DLG2: variants seen among roughly 807,000 people sequenced by gnomAD.
The protein encoded by DLG2 is discs large MAGUK scaffold protein 2.
In DLG2, 45 loss-of-function variants were observed where a neutral mutation model predicts 132.5. The observed-to-expected ratio is 0.34, with a 90% confidence interval of 0.27 to 0.44. The LOEUF (loss-of-function observed/expected upper bound fraction) is 0.44, where lower values mean the gene tolerates loss of function less well. Among genes scored for constraint, DLG2 ranks in the 20% least tolerant of loss-of-function variants. The pLI is 1.00. For synonymous variants in DLG2, 424 were observed against 419.6 expected (o/e 1.01, Z -0.13); for missense variants, 1,045 against 1,196.9 (o/e 0.87, Z 1.87).
Position 84,860,649 on chromosome 11 carries a change from A to G in DLG2, c.357+251012T>C, listed in dbSNP as rs542469271. Among the ~76,000 whole-genome samples, 260 of 152,224 alleles carry G rather than the reference A, an allele frequency of 1.7e-3. 2 individuals are homozygous for G. Among genetic ancestry groups the G allele is most frequent in the Non-Finnish European group, 2.0e-3 (137 of 68,006 alleles). Reference sequence around the variant, plus strand: ...AGTGTCTGTAAAATAATAATAAAGGACACCTGTGTTAGTAATAACACACAT... The same window carrying G: ...AGTGTCTGTAAAATAATAATAAAGGGCACCTGTGTTAGTAATAACACACAT... On this transcript the variant is annotated intron_variant, in intron 6 of 27. Coordinates refer to ENST00000376104, the MANE Select transcript of DLG2 (RefSeq NM_001142699.3).
intron 7 of DLG2, among the ~76,000 whole-genome samples, chr11:84,434,751 C>T (rs984982020): frequency 2.0e-5 from 3 of 151,856 alleles, no homozygotes; most frequent in African/African-American, 7.3e-5. Context: ...ATAAGTCACA[C>T]TGAGTGTTTA....
intron 7 of DLG2, among the ~76,000 whole-genome samples, chr11:84,261,553 T>G (rs186435133): frequency 6.6e-6 from 1 of 152,306 alleles, no homozygotes; most frequent in Non-Finnish European, 1.5e-5. Flanking sequence ...AGGAAATAAG[T>G]TATGTGAAAG....
intron 3 of DLG2, among the ~76,000 whole-genome samples, chr11:85,549,670 A>T (rs555459331): frequency 1.3e-4 from 20 of 152,330 alleles, no homozygotes; most frequent in Admixed American, 1.1e-3. Context: ...TCAGCACAAG[A>T]TACAGGTTAC....
chr11:84,065,445 GC>G (rs1157653388), intron 10 of DLG2, among the ~76,000 whole-genome samples: 1 of 152,096 alleles, frequency 6.6e-6, no homozygotes, highest in Non-Finnish European at 1.5e-5. Context: ...CATAGACATG[GC>G]CAGCAAGCAT....
intron 3 of DLG2, among the ~76,000 whole-genome samples, chr11:85,531,173 C>A (rs1213409475): frequency 6.6e-6 from 1 of 152,066 alleles, no homozygotes; most frequent in Non-Finnish European, 1.5e-5. Context: ...AGTATGAAAT[C>A]ATTATAGTGA....
In DLG2 at chr11:84,537,566, T is replaced by C. The variant is rs552385295; in HGVS notation, c.358-2835A>G. Among the ~76,000 whole-genome samples, 22 of 152,356 alleles carry C rather than the reference T, an allele frequency of 1.4e-4. 1 individual carries two copies. The East Asian group carries it at 4.0e-3, about 28-fold the overall frequency. ...TTTTAAGTATACGGTTCAGTAGTGT[T>C]ACTTATATTCACTTTGTTGTGCAAC... On this transcript the variant is annotated intron_variant, in intron 6 of 27. Transcript: ENST00000376104.
At chr11:85,350,054 A>C (rs897800605) in intron 3 of DLG2, among the ~76,000 whole-genome samples, 5 of 152,092 alleles carry the variant, frequency 3.3e-5, no homozygotes, top group East Asian at 1.9e-4. Context: ...CCTATTTCTC[A>C]ACATCCTGTC....
intron 19 of DLG2, among the ~76,000 whole-genome samples, chr11:83,578,951 A>C (rs535809): frequency 6.6e-6 from 1 of 151,974 alleles, no homozygotes; most frequent in African/African-American, 2.4e-5. Flanking sequence ...AGCATTCAAG[A>C]CCTGCCTAGT....
intron 11 of DLG2, among the ~76,000 whole-genome samples, chr11:84,034,753 G>A (rs963146): frequency 0.65 from 98,219 of 151,936 alleles, 34,057 homozygotes; most frequent in Non-Finnish European, 0.78. Context: ...GGGGACTGCT[G>A]CCCTCTGTAA....
chr11:85,000,155 C>T (rs2058070274), intron 6 of DLG2, among the ~76,000 whole-genome samples: 1 of 152,102 alleles, frequency 6.6e-6, no homozygotes. Flanking sequence ...AGAAACAAGT[C>T]AGCAATGTAT....
chr11:84,582,262 T>C (rs955938170), intron 6 of DLG2, among the ~76,000 whole-genome samples: 50 of 151,362 alleles, frequency 3.3e-4, no homozygotes, highest in Admixed American at 1.3e-4. Context: ...GGGACTTGAA[T>C]TGCAGGGATC....
intron 6 of DLG2, among the ~76,000 whole-genome samples, chr11:84,999,201 A>C (rs1399038912): frequency 6.6e-6 from 1 of 152,084 alleles, no homozygotes; most frequent in Non-Finnish European, 1.5e-5. Flanking sequence ...GTTAGGGGCC[A>C]CCTATGTGTG....
chr11:85,467,247 A>G (rs1400246342), intron 3 of DLG2, among the ~76,000 whole-genome samples: 3 of 152,176 alleles, frequency 2.0e-5, no homozygotes, highest in Admixed American at 6.5e-5. Flanking sequence ...CAATCATGTA[A>G]TCTCCAAACA....
chr11:84,009,410 T>A, intron 11 of DLG2, among the ~76,000 whole-genome samples: 1 of 152,116 alleles, frequency 6.6e-6, no homozygotes, highest in Non-Finnish European at 1.5e-5. Flanking sequence ...AAAGCTCACA[T>A]ACTAAAATGA....
At chr11:85,107,928 A>T (rs1013930299) in intron 6 of DLG2, among the ~76,000 whole-genome samples, 5 of 31,144 alleles carry the variant, frequency 1.6e-4, no homozygotes, top group African/African-American at 7.4e-4. Context: ...GACAAGTCTT[A>T]AAAAAAAAAA....
rs10719469 is a variant in DLG2 at position 85,034,078 on chromosome 11, A to ATT, written c.357+77581_357+77582dup. Among the ~76,000 whole-genome samples, 410 of 137,916 alleles carry ATT rather than the reference A, an allele frequency of 3.0e-3. 3 individuals are homozygous for ATT. The highest frequency in any genetic ancestry group is 4.5e-3 in the Non-Finnish European group (287 of 63,740). The allele number at this position is 137,916 out of a possible 152,430, so 90.5% of individuals were successfully genotyped here. A position where few individuals can be genotyped will look rare whatever the true frequency, so the allele number is the denominator to read the frequency against. ...CTAGTATTGTCCTGAGATATATTAG[A>ATT]TTTTTTTTTTTTTTTTTGAGATGGA... On this transcript the variant is annotated intron_variant, in intron 6 of 27. Transcript: ENST00000376104.
At chr11:85,330,914 G>C (rs1004178471) in intron 3 of DLG2, among the ~76,000 whole-genome samples, 1 of 151,886 alleles carries the variant, frequency 6.6e-6, no homozygotes, top group East Asian at 1.9e-4. Context: ...CCCACAATGT[G>C]GAAAGTGATT....
chr11:84,269,951 C>T (rs1284752740), intron 7 of DLG2, among the ~76,000 whole-genome samples: 1 of 152,170 alleles, frequency 6.6e-6, no homozygotes, highest in Admixed American at 6.5e-5. Context: ...TACTTTTGGG[C>T]ACTTGTCCTG....
intron 15 of DLG2, among the ~76,000 whole-genome samples, chr11:83,929,823 T>C (rs968784856): frequency 1.3e-5 from 2 of 152,166 alleles, no homozygotes; most frequent in African/African-American, 4.8e-5. Flanking sequence ...TCCTGTAGTT[T>C]TGGACAAGTT....
Sources: gnomAD v4.1 joint callset for allele counts (sites outside exome capture counted in the v4.1 genomes callset) on GRCh38, gnomAD v4.1.1 for gene constraint, MANE v1.5 for transcripts, NCBI Gene and HGNC (gene_info 2026-07-23, HGNC 2026-07-21) for gene names.